ZPLD1: variants seen among roughly 807,000 people sequenced by gnomAD.
ZPLD1 encodes the protein zona pellucida like domain containing 1.
In ZPLD1, 34 loss-of-function variants were observed where a neutral mutation model predicts 47.2. That is an observed-to-expected ratio of 0.72 (90% CI 0.55 to 0.96). ZPLD1 has a LOEUF of 0.96. Among genes scored for constraint, ZPLD1 ranks in the 40% least tolerant of loss-of-function variants. ZPLD1 has a pLI of 0.00. For synonymous variants in ZPLD1, 176 were observed against 186.2 expected (o/e 0.95, Z 0.45); for missense variants, 512 against 505.8 (o/e 1.01, Z -0.12).
chr3:102,402,761 T>C (rs111290670), intron 7 of ZPLD1, among the ~76,000 whole-genome samples: 25 of 151,992 alleles, frequency 1.6e-4, no homozygotes, highest in Non-Finnish European at 2.9e-5. Context: ...TCAAGCTGTT[T>C]CCTTCAGGTA....
intron 1 of ZPLD1, among the ~76,000 whole-genome samples, chr3:102,436,046 G>A (rs1707086512): frequency 6.6e-6 from 1 of 152,202 alleles, no homozygotes; most frequent in African/African-American, 2.4e-5. Flanking sequence ...GTTAAAGAAA[G>A]CTGCCTTCTA....
At chr3:102,475,101 AT>A (rs533645754) in intron 10 of ZPLD1, among the ~76,000 whole-genome samples, 2 of 152,142 alleles carry the variant, frequency 1.3e-5, no homozygotes, top group South Asian at 4.1e-4. Flanking sequence ...TCCAAATAGT[AT>A]TCAAATATCA....
intron 3 of ZPLD1, among the ~76,000 whole-genome samples, chr3:102,452,251 G>A (rs1707349363): frequency 7.5e-6 from 1 of 133,182 alleles, no homozygotes; most frequent in Non-Finnish European, 1.7e-5. Context: ...CCATGTTTAG[G>A]TCATTTTTTT....
At chr3:102,430,590 T>C (rs2107313982), upstream of ZPLD1, among the ~76,000 whole-genome samples, 1 of 152,008 alleles carries the variant, frequency 6.6e-6, no homozygotes, top group Non-Finnish European at 1.5e-5. Context: ...AAGAGAGGAG[T>C]ACTATAGGAA....
intron 3 of ZPLD1, 97 bp downstream of exon 3, chr3:102,438,690 T>G (rs1707128887): frequency 1.2e-6 from 1 of 813,988 alleles, no homozygotes; most frequent in South Asian, 1.8e-5. Flanking sequence ...CGGGGGGCTA[T>G]CTCTTTACAT....
At chr3:102,415,367 A>C (rs1706793787) in intron 7 of ZPLD1, among the ~76,000 whole-genome samples, 1 of 151,712 alleles carries the variant, frequency 6.6e-6, no homozygotes, top group Admixed American at 6.6e-5. Flanking sequence ...GATGTTCAAA[A>C]CTATTTTCTG....
intron 4 of ZPLD1, among the ~76,000 whole-genome samples, chr3:102,455,984 G>A (rs1011020253): frequency 6.6e-6 from 1 of 152,110 alleles, no homozygotes; most frequent in Non-Finnish European, 1.5e-5. Context: ...TATGAGTAAA[G>A]TGTCTTTGGT....
rs748567540 is a variant in ZPLD1, at chr3:102,462,353, G to A, written c.655G>A (p.Val219Ile). 1 of 1,608,508 alleles carries A rather than the reference G, an allele frequency of 6.2e-7. No individual in the cohort carries two copies. Among genetic ancestry groups the A allele is most frequent in the Non-Finnish European group, 8.5e-7 (1 of 1,177,652 alleles). ...TTTGAAAACCAAAGTATTTGCAGCT[G>A]TCCAAGCCACTAATTTGGATGGCAG... ...LPLKTKVFAA[V>I]QATNLDGRWN... Residue 219 changes from valine (V) to isoleucine (I), a missense_variant, in exon 7 of 12, where the codon GTC (valine) becomes ATC (isoleucine). Val to Ile is a conservative substitution (Grantham distance 29). Coordinates refer to ENST00000466937, the MANE Select transcript of ZPLD1 (RefSeq NM_001329788.2).
intron 7 of ZPLD1, among the ~76,000 whole-genome samples, chr3:102,408,347 G>C (rs1426780295): frequency 6.6e-6 from 1 of 151,858 alleles, no homozygotes; most frequent in Admixed American, 6.6e-5. Flanking sequence ...CAACCCTGTA[G>C]TTGCCATTTA....
upstream of ZPLD1, among the ~76,000 whole-genome samples, chr3:102,430,509 C>G (rs148217639): frequency 6.6e-6 from 1 of 152,076 alleles, no homozygotes. Context: ...CTTCCCAAGA[C>G]CTTGAGTCCA....
chr3:102,391,249 G>C (rs1053734050), intron 6 of ZPLD1, among the ~76,000 whole-genome samples: 9 of 152,116 alleles, frequency 5.9e-5, no homozygotes, highest in African/African-American at 2.2e-4. Flanking sequence ...AACTATAAAA[G>C]TATACTTTAT....
intron 5 of ZPLD1, among the ~76,000 whole-genome samples, chr3:102,456,890 T>G (rs1707425589): frequency 6.6e-6 from 1 of 152,270 alleles, no homozygotes; most frequent in Non-Finnish European, 1.5e-5. Flanking sequence ...GTGCTCATGA[T>G]TCTCCCAGAA....
upstream of ZPLD1, chr3:102,434,982 T>C: frequency 1.0e-6 from 1 of 957,732 alleles, no homozygotes. Flanking sequence ...CTAGGGAGCC[T>C]GAGCAGCCAG....
exon 8 of ZPLD1, chr3:102,418,158 C>G (rs1706831901): frequency 6.6e-6 from 1 of 152,532 alleles, no homozygotes. Context: ...TCACATGCGG[C>G]AGAACCTAGC....
chr3:102,453,614 G>A (rs1214489302), intron 4 of ZPLD1, among the ~76,000 whole-genome samples: 1 of 152,188 alleles, frequency 6.6e-6, no homozygotes, highest in Non-Finnish European at 1.5e-5. Context: ...CAACACTAGT[G>A]CTTTGTAAAA....
chr3:102,438,005 G>A (rs1007190240), intron 2 of ZPLD1, among the ~76,000 whole-genome samples: 3 of 152,124 alleles, frequency 2.0e-5, no homozygotes, highest in African/African-American at 7.2e-5. Context: ...TTCTGTTAAG[G>A]GAAAGTTGTT....
In ZPLD1 at chr3:102,470,390, T is replaced by C. The variant is rs1477587855; in HGVS notation, c.934-4T>C. The C allele has an allele frequency of 6.2e-7, 1 of 1,613,272 alleles. No homozygotes were observed. The highest frequency in any genetic ancestry group is 1.3e-5 in the African/African-American group (1 of 74,904). ...AATTTCATTTGTTTTCATTAACACCTCAGATTTGCAGCCACAGAGAAAGGA... is the reference window on the plus strand; with the variant it reads ...AATTTCATTTGTTTTCATTAACACCCCAGATTTGCAGCCACAGAGAAAGGA... On this transcript the variant is annotated splice_polypyrimidine_tract_variant and splice_region_variant and intron_variant, in intron 9 of 11. Transcript: ENST00000466937.
rs1012605577 is a variant in ZPLD1 at position 102,477,111 on chromosome 3, T to C, written c.1072+70T>C. On this transcript the variant is annotated intron_variant, in intron 11 of 11. Coordinates refer to ENST00000466937, the MANE Select transcript of ZPLD1 (RefSeq NM_001329788.2). ...GATCAGTTACAAAGCTGTAATCATC[T>C]AAGTGTAATGAGCTTGAGTTTTCCA... 5.2e-6 allele frequency: 8 copies of C among 1,541,934 alleles called. No individual in the cohort carries two copies. The African/African-American group carries it at 1.1e-4, about 21-fold the overall frequency.
intron 8 of ZPLD1, among the ~76,000 whole-genome samples, chr3:102,465,022 G>T (rs1707569432): frequency 1.3e-5 from 2 of 152,208 alleles, no homozygotes; most frequent in Admixed American, 1.3e-4. Flanking sequence ...TCAAGGGCAA[G>T]ATGATGTTCA....
Sources: allele counts gnomAD v4.1 joint callset (sites outside exome capture counted in the v4.1 genomes callset), GRCh38; gene constraint gnomAD v4.1.1; transcripts MANE v1.5; gene names NCBI Gene and HGNC (gene_info 2026-07-23, HGNC 2026-07-21).